Variants in ARFGAP3 observed in about 807,000 individuals in gnomAD.
ARFGAP3 encodes the protein ADP-ribosylation factor GTPase-activating protein 3.
Under a neutral mutation model 75.0 loss-of-function variants are expected in ARFGAP3, and 72 were observed. The ratio of observed to expected loss-of-function variants is 0.96; its 90% CI spans 0.79 to 1.17. The LOEUF is 1.17. ARFGAP3 is among the 50% of genes most tolerant of loss of function. The probability of loss-of-function intolerance (pLI) is 0.00; values close to 1 mark genes in which losing one functional copy is unlikely to be tolerated. For synonymous variants in ARFGAP3, 221 were observed against 217.9 expected (o/e 1.01, Z -0.13); for missense variants, 620 against 626.6 (o/e 0.99, Z 0.11).
At chr22:42,840,589 GTTA>G (rs1486788440) in intron 3 of ARFGAP3, among the ~76,000 whole-genome samples, 4 of 151,342 alleles carry the variant, frequency 2.6e-5, no homozygotes, top group East Asian at 3.9e-4. Context: ...GCTAATTTTT[GTTA>G]TTATTATTTT....
chr22:42,847,334 T>G, intron 2 of ARFGAP3, 180 bp downstream of exon 2: 1 of 550,818 alleles, frequency 1.8e-6, no homozygotes, highest in South Asian at 2.1e-5. Context: ...ACCACAACAT[T>G]TTTTATTTTT....
At chr22:42,815,312 A>T (rs1925527979) in intron 11 of ARFGAP3, among the ~76,000 whole-genome samples, 1 of 152,204 alleles carries the variant, frequency 6.6e-6, no homozygotes, top group Non-Finnish European at 1.5e-5. Context: ...TTCTGAGTAA[A>T]GTGAAACTTG....
chr22:42,804,170 C>A (rs1460699478), intron 14 of ARFGAP3, among the ~76,000 whole-genome samples: 1 of 151,554 alleles, frequency 6.6e-6, no homozygotes, highest in Admixed American at 6.6e-5. Context: ...TCCCAAAGTG[C>A]TGGATTATAG....
chr22:42,820,056 GAAGTA>G (rs1925744757), intron 9 of ARFGAP3, among the ~76,000 whole-genome samples: 1 of 152,148 alleles, frequency 6.6e-6, no homozygotes. Flanking sequence ...GTTAATATTA[GAAGTA>G]ACAACCAGAC....
intron 6 of ARFGAP3, among the ~76,000 whole-genome samples, chr22:42,828,622 C>T (rs147683526): frequency 5.3e-5 from 8 of 151,274 alleles, no homozygotes; most frequent in Admixed American, 3.3e-4. Flanking sequence ...CTGTGACATC[C>T]GGACTTCAGA....
At chr22:42,829,859 T>C (rs1374498159) in intron 6 of ARFGAP3, among the ~76,000 whole-genome samples, 1 of 152,224 alleles carries the variant, frequency 6.6e-6, no homozygotes, top group Non-Finnish European at 1.5e-5. Flanking sequence ...ACTACCTGAA[T>C]TTAGCCTTGT....
intron 7 of ARFGAP3, among the ~76,000 whole-genome samples, chr22:42,826,549 TTTGTTG>T (rs552674646): frequency 2.9e-4 from 44 of 151,432 alleles, no homozygotes; most frequent in East Asian, 5.8e-4. Context: ...TCAGGTAATT[TTTGTTG>T]TTGTTGTTGT....
intron 5 of ARFGAP3, among the ~76,000 whole-genome samples, chr22:42,832,715 G>A (rs1926350149): frequency 1.3e-5 from 2 of 152,096 alleles, no homozygotes; most frequent in Admixed American, 6.6e-5. Context: ...GCCCGGTGTG[G>A]TGGCTCATGC....
chr22:42,837,142 T>A (rs372069339), intron 3 of ARFGAP3, among the ~76,000 whole-genome samples: 3 of 152,124 alleles, frequency 2.0e-5, no homozygotes, highest in Non-Finnish European at 2.9e-5. Context: ...TTTGTGAACA[T>A]CATGATAATG....
At position 42,838,289 on chromosome 22, in the gene ARFGAP3, TA is replaced by T. The variant is rs1385382348; in HGVS notation, c.261+2654del. On this transcript the variant is annotated intron_variant, in intron 3 of 15. Transcript: ENST00000263245. Reference sequence around the variant, plus strand: ...ATACACACACACATATATATATATATATTTTTTTTTTCTTTTTTTTTTTTCT... The same window carrying T: ...ATACACACACACATATATATATATATTTTTTTTTTTCTTTTTTTTTTTTCT... 5.5e-3 allele frequency among the ~76,000 whole-genome samples: 608 copies of T among 111,554 alleles called. 6 individuals carry two copies. Among genetic ancestry groups the T allele is most frequent in the African/African-American group, 0.027 (567 of 21,294 alleles). The allele number at this position is 111,554 out of a possible 152,430, so 73.2% of individuals were successfully genotyped here.
chr22:42,827,160 T>C lies in ARFGAP3; in HGVS notation c.566-161A>G, dbSNP rs1024648731. The stretch of plus-strand genomic sequence containing the variant: ...ATTCTATTTTAACGTTATAAGAATT[T>C]TGACTTAAAAGTCCATTAAAGTAGA... On this transcript the variant is annotated intron_variant, in intron 6 of 15. Transcript: ENST00000263245. 1.4e-5 allele frequency: 13 copies of C among 908,468 alleles called. No individual in the cohort carries two copies. The Admixed American group carries it at 7.4e-4, about 52-fold the overall frequency. 56.3% of individuals were successfully genotyped at this position (908,468 alleles called of 1,614,324 possible).
intron 6 of ARFGAP3, among the ~76,000 whole-genome samples, chr22:42,830,980 C>G (rs1926258052): frequency 6.6e-6 from 1 of 152,062 alleles, no homozygotes; most frequent in Non-Finnish European, 1.5e-5. Flanking sequence ...ACTTTATAGT[C>G]TATTATGAAT....
At chr22:42,841,882 G>A (rs1310753925) in intron 2 of ARFGAP3, among the ~76,000 whole-genome samples, 9 of 92,398 alleles carry the variant, frequency 9.7e-5, no homozygotes, top group Non-Finnish European at 2.0e-4. Context: ...TTTTTTTTTT[G>A]AGACAGGGTC....
At chr22:42,815,896 T>C (rs543757291) in intron 11 of ARFGAP3, among the ~76,000 whole-genome samples, 49 of 152,298 alleles carry the variant, frequency 3.2e-4, no homozygotes, top group Non-Finnish European at 5.4e-4. Flanking sequence ...GCAGATCACT[T>C]GAAGTCAGGG....
chr22:42,832,441 G>A (rs1316524321), intron 5 of ARFGAP3, among the ~76,000 whole-genome samples: 2 of 150,062 alleles, frequency 1.3e-5, no homozygotes, highest in African/African-American at 4.9e-5. Flanking sequence ...TGAGGCAGGA[G>A]AATCACCTGA....
Position 42,817,224 on chromosome 22 carries a change from C to G in ARFGAP3, c.982G>C (p.Glu328Gln), listed in dbSNP as rs1925616298. The change falls in exon 11 of 16, where the codon GAG (glutamate) becomes CAG (glutamine). Residue 328 changes from glutamate to glutamine, a missense_variant. Physicochemically the swap from Glu to Gln is conservative, Grantham distance 29. Coordinates refer to ENST00000263245, the MANE Select transcript of ARFGAP3 (RefSeq NM_014570.5). ...HSVTSDMQTIEQESPIMAKPR... is the reference protein window; with the variant it reads ...HSVTSDMQTIQQESPIMAKPR... The stretch of plus-strand genomic sequence containing the variant: ...TTTGCCATAATGGGTGATTCCTGCT[C>G]TATGGTCTGCATATCTGAAGTCACT... 5 of 1,613,382 alleles carry G rather than the reference C, an allele frequency of 3.1e-6. No homozygotes were observed. The highest frequency in any genetic ancestry group is 1.7e-5 in the Admixed American group (1 of 59,972).
intron 2 of ARFGAP3, among the ~76,000 whole-genome samples, chr22:42,842,241 G>A (rs1309894618): frequency 6.6e-6 from 1 of 150,960 alleles, no homozygotes; most frequent in African/African-American, 2.4e-5. Flanking sequence ...CCGACCTTAG[G>A]TGATCCACCC....
intron 14 of ARFGAP3, among the ~76,000 whole-genome samples, chr22:42,800,292 G>A (rs1924797838): frequency 6.6e-6 from 1 of 152,200 alleles, no homozygotes; most frequent in Non-Finnish European, 1.5e-5. Flanking sequence ...CACTCTGGGA[G>A]GCTGAGGTGG....
intron 14 of ARFGAP3, among the ~76,000 whole-genome samples, chr22:42,801,357 C>T (rs538984045): frequency 2.6e-5 from 4 of 152,288 alleles, no homozygotes; most frequent in African/African-American, 9.6e-5. Context: ...GGGCAAATGC[C>T]CTGGATGGGT....
Sources: allele counts gnomAD v4.1 joint callset (sites outside exome capture counted in the v4.1 genomes callset), GRCh38; gene constraint gnomAD v4.1.1; transcripts MANE v1.5; gene names NCBI Gene and HGNC (gene_info 2026-07-23, HGNC 2026-07-21).